The following PPP4R2 variants were observed in gnomAD, a reference collection of about 807,000 sequenced individuals.
PPP4R2 encodes protein phosphatase 4 regulatory subunit 2, also known as serine/threonine-protein phosphatase 4 regulatory subunit 2.
Under a neutral mutation model 47.2 loss-of-function variants are expected in PPP4R2, and 13 were observed. The ratio of observed to expected loss-of-function variants is 0.28; its 90% CI spans 0.18 to 0.44. The LOEUF (loss-of-function observed/expected upper bound fraction) is 0.44. PPP4R2 is among the 20% of genes least tolerant of loss of function. The pLI is 1.00. For missense variants in PPP4R2, 421 were observed against 491.2 expected (o/e 0.86, Z 1.35); for synonymous variants, 151 against 163.3 (o/e 0.92, Z 0.57).
intron 2 of PPP4R2, among the ~76,000 whole-genome samples, chr3:73,021,643 G>A (rs1701961410): frequency 6.6e-6 from 1 of 152,086 alleles, no homozygotes. Context: ...GTTTATCACA[G>A]TATTTGTGTA....
At chr3:73,043,429 C>G (rs1702421808) in intron 2 of PPP4R2, among the ~76,000 whole-genome samples, 1 of 152,086 alleles carries the variant, frequency 6.6e-6, no homozygotes, top group South Asian at 2.1e-4. Flanking sequence ...AAAGTAATAG[C>G]ATACTTTTAA....
At chr3:73,065,188 A>T (rs1702966437) in intron 8 of PPP4R2, 47 bp downstream of exon 8, 2 of 1,509,542 alleles carry the variant, frequency 1.3e-6, no homozygotes, top group Admixed American at 2.5e-5. Context: ...AGATCCTCAA[A>T]TTCTTGTACT....
At chr3:73,055,417 CGT>C (rs10663655) in intron 3 of PPP4R2, among the ~76,000 whole-genome samples, 5,349 of 137,326 alleles carry the variant, frequency 0.039, 131 homozygotes, top group Middle Eastern at 0.069. Flanking sequence ...AGTGGGGTAG[CGT>C]GTGTGTGTGT....
chr3:73,033,703 T>G (rs1166693831), intron 2 of PPP4R2, among the ~76,000 whole-genome samples: 1 of 152,360 alleles, frequency 6.6e-6, no homozygotes, highest in East Asian at 1.9e-4. Flanking sequence ...TCCTCCTTCC[T>G]TCCAATCCCT....
chr3:73,026,736 G>C (rs1194229350), intron 2 of PPP4R2, among the ~76,000 whole-genome samples: 6 of 151,972 alleles, frequency 3.9e-5, no homozygotes. Context: ...GCTATCATTA[G>C]TGTTAGTGTT....
At chr3:73,048,360 C>G (rs1702533269) in intron 3 of PPP4R2, among the ~76,000 whole-genome samples, 1 of 152,182 alleles carries the variant, frequency 6.6e-6, no homozygotes, top group Non-Finnish European at 1.5e-5. Context: ...TCAAGCAATT[C>G]TGCCTCAGCC....
chr3:73,002,014 C>A (rs72887227), intron 2 of PPP4R2, among the ~76,000 whole-genome samples: 19,943 of 136,008 alleles, frequency 0.15, 1,598 homozygotes, highest in East Asian at 0.36. Flanking sequence ...CTGTTCCTTG[C>A]TCAGTCTCTA....
At position 73,068,813 on chromosome 3, in the gene PPP4R2, A is replaced by G. The variant is rs1317569565; in HGVS notation, c.*3091A>G. 5 of 152,224 alleles carry G rather than the reference A, an allele frequency of 3.3e-5. No individual in the cohort carries two copies. In the East Asian group the frequency reaches 9.6e-4, roughly 29 times the overall value. 9.4% of individuals were successfully genotyped at this position (152,224 alleles called of 1,614,324 possible). A position where few individuals can be genotyped will look rare whatever the true frequency, so the allele number is the denominator to read the frequency against. ...TCTAAAGCTGCTACAATGTTTGATT[A>G]TGAAAAAAATGTAACATGGTAAGGA... On this transcript the variant is annotated 3_prime_UTR_variant, in exon 9 of 9. Transcript: ENST00000356692.
intron 2 of PPP4R2, among the ~76,000 whole-genome samples, chr3:73,026,901 C>G (rs1018570296): frequency 1.3e-5 from 2 of 152,118 alleles, no homozygotes; most frequent in African/African-American, 4.8e-5. Context: ...GGGTTGAAAT[C>G]CCAGCCCTGT....
intron 5 of PPP4R2, chr3:73,062,970 T>A: frequency 2.3e-6 from 3 of 1,326,802 alleles, no homozygotes; most frequent in Non-Finnish European, 3.2e-6. Flanking sequence ...CATGGATGGC[T>A]CCATTGCTCT....
intron 2 of PPP4R2, among the ~76,000 whole-genome samples, chr3:73,020,466 C>T (rs1701935497): frequency 6.6e-6 from 1 of 151,998 alleles, no homozygotes; most frequent in Non-Finnish European, 1.5e-5. Flanking sequence ...GTTTTGAGAC[C>T]AGCCTGGGTA....
At chr3:73,064,454 T>A (rs1575894526) in intron 7 of PPP4R2, among the ~76,000 whole-genome samples, 2 of 152,338 alleles carry the variant, frequency 1.3e-5, no homozygotes, top group Admixed American at 1.3e-4. Context: ...ATAAGTTGAT[T>A]TTTGTGAGTC....
At chr3:73,009,893 C>G (rs1299499219) in intron 2 of PPP4R2, among the ~76,000 whole-genome samples, 3 of 152,224 alleles carry the variant, frequency 2.0e-5, no homozygotes, top group Non-Finnish European at 4.4e-5. Flanking sequence ...CTTGTCTTCT[C>G]TCTGGTTTCA....
rs1045600708 is a variant in PPP4R2 at position 73,012,308 on chromosome 3, C to CT, written c.116+14159dup. ...AATTTTTCTCAAATATTTTCTCCTT[C>CT]TTTTTTTTTGAGACGGAGTCTTGCT... On this transcript the variant is annotated intron_variant, in intron 2 of 8. Coordinates refer to ENST00000356692, the MANE Select transcript of PPP4R2 (RefSeq NM_174907.4). Among the ~76,000 whole-genome samples the CT allele has an allele frequency of 3.6e-4, 55 of 151,490 alleles. 1 individual carries two copies. The highest frequency in any genetic ancestry group is 1.1e-3 in the African/African-American group (44 of 41,370).
rs755291630 is a variant in PPP4R2, at chr3:73,059,109, A to G, written c.360A>G (p.Lys120=). ...GGAGAAACTATACAGGAACAGACAA[A>G]TTTCTCAGAGGAGTAGAAAAGGTAT... is the stretch of plus-strand genomic sequence containing the variant. ...DPRRNYTGTD[K]FLRGVEKNVM... Residue 120 remains lysine (K), a synonymous_variant, in exon 4 of 9, where the codon AAA becomes AAG. Transcript: ENST00000356692. 2.6e-6 allele frequency: 4 copies of G among 1,557,470 alleles called. No homozygotes were observed. The highest frequency in any genetic ancestry group is 3.5e-6 in the Non-Finnish European group (4 of 1,138,524).
At chr3:73,005,312 A>G (rs1353317983) in intron 2 of PPP4R2, among the ~76,000 whole-genome samples, 2 of 147,842 alleles carry the variant, frequency 1.4e-5, no homozygotes, top group Non-Finnish European at 3.0e-5. Context: ...TTTTGGAGTC[A>G]TTGTACTCAG....
chr3:73,013,651 T>C (rs1452535812), intron 2 of PPP4R2, among the ~76,000 whole-genome samples: 1 of 152,140 alleles, frequency 6.6e-6, no homozygotes, highest in Non-Finnish European at 1.5e-5. Context: ...TTTTTCTTTT[T>C]TTTTTTTGAG....
intron 2 of PPP4R2, among the ~76,000 whole-genome samples, chr3:73,039,221 T>G (rs1231515344): frequency 6.6e-6 from 1 of 152,184 alleles, no homozygotes; most frequent in African/African-American, 2.4e-5. Flanking sequence ...CCTCCCAGGT[T>G]CAAGTGATTC....
intron 1 of PPP4R2, 43 bp downstream of exon 1, chr3:72,997,114 G>A (rs780882561): frequency 5.6e-5 from 73 of 1,313,430 alleles, no homozygotes; most frequent in Non-Finnish European, 7.0e-5. Context: ...CACCTTCTCC[G>A]GCTCGCTCTT....
Sources: gnomAD v4.1 joint callset for allele counts (sites outside exome capture counted in the v4.1 genomes callset) on GRCh38, gnomAD v4.1.1 for gene constraint, MANE v1.5 for transcripts, NCBI Gene and HGNC (gene_info 2026-07-23, HGNC 2026-07-21) for gene names.